Variants in LIPA observed in about 807,000 individuals in gnomAD.
LIPA encodes the protein lipase A, lysosomal acid type.
A neutral mutation model predicts 40.6 loss-of-function variants in LIPA; 26 were observed. The observed-to-expected ratio is 0.64, with a 90% confidence interval of 0.47 to 0.89. LIPA has a LOEUF of 0.89. LIPA is among the 40% of genes least tolerant of loss of function. The pLI, the probability that LIPA is intolerant of heterozygous loss-of-function variation, is 0.00. For missense variants in LIPA, 455 were observed against 479.6 expected, an observed-to-expected ratio of 0.95 and a Z score of 0.48; for synonymous variants, 188 against 168.4, an observed-to-expected ratio of 1.12 and a Z score of -0.90.
intron 1 of LIPA, among the ~76,000 whole-genome samples, chr10:89,251,276 G>A (rs1197151415): frequency 6.6e-6 from 1 of 152,218 alleles, no homozygotes; most frequent in Non-Finnish European, 1.5e-5. Context: ...TTAAAAAGCA[G>A]TATCGCTGGG....
chr10:89,267,662 T>A (rs933152281), intron 1 of LIPA, among the ~76,000 whole-genome samples: 19 of 145,954 alleles, frequency 1.3e-4, no homozygotes, highest in African/African-American at 4.9e-4. Flanking sequence ...CGCACCAGCA[T>A]GGCACATGTA....
At chr10:89,276,231 A>G (rs186824540) in intron 1 of LIPA, among the ~76,000 whole-genome samples, 2 of 152,214 alleles carry the variant, frequency 1.3e-5, no homozygotes, top group East Asian at 3.9e-4. Flanking sequence ...CTAGGCCCTC[A>G]CTCACTTCAC....
intron 3 of LIPA, among the ~76,000 whole-genome samples, chr10:89,238,895 A>C (rs1564761218): frequency 6.6e-6 from 1 of 152,206 alleles, no homozygotes; most frequent in Non-Finnish European, 1.5e-5. Context: ...TGCAGTTTTC[A>C]ATAACTCTGG....
intron 2 of LIPA, chr10:89,403,868 A>G (rs1589641667): frequency 1.0e-5 from 6 of 574,612 alleles, no homozygotes; most frequent in African/African-American, 1.9e-5. Context: ...GTGTTCAACA[A>G]TTAGTGAAAC....
At chr10:89,247,398 AAAAAAAAAAAAAAT>A in intron 2 of LIPA, 126 bp downstream of exon 2, 1 of 621,154 alleles carries the variant, frequency 1.6e-6, no homozygotes, top group Non-Finnish European at 2.8e-6. Flanking sequence ...AAAAAAAAAA[AAAAAAAAAAAAAAT>A]TCAGAGAAAT....
chr10:89,382,451 T>C (rs1844170291), intron 2 of LIPA, among the ~76,000 whole-genome samples: 1 of 152,324 alleles, frequency 6.6e-6, no homozygotes, highest in South Asian at 2.1e-4. Context: ...GCGTGAACTA[T>C]TGGGGAAAAA....
chr10:89,259,173 A>T (rs1398465579), intron 1 of LIPA, among the ~76,000 whole-genome samples: 1 of 152,236 alleles, frequency 6.6e-6, no homozygotes, highest in African/African-American at 2.4e-5. Context: ...TGGTGAATTG[A>T]ATGGTATGCA....
intron 1 of LIPA, among the ~76,000 whole-genome samples, chr10:89,330,809 A>T (rs1305597725): frequency 6.6e-6 from 1 of 152,204 alleles, no homozygotes; most frequent in Non-Finnish European, 1.5e-5. Context: ...AAAGGGGAAA[A>T]CTGCTTTTTA....
At chr10:89,388,638 C>T (rs540794923) in intron 2 of LIPA, among the ~76,000 whole-genome samples, 24 of 152,078 alleles carry the variant, frequency 1.6e-4, no homozygotes, top group South Asian at 8.3e-4. Context: ...ATTTTATCTT[C>T]AAAATATATA....
intron 8 of LIPA, among the ~76,000 whole-genome samples, chr10:89,216,657 T>C (rs1842631301): frequency 6.6e-6 from 1 of 152,138 alleles, no homozygotes; most frequent in Non-Finnish European, 1.5e-5. Context: ...ATAAGTAATC[T>C]AGAGATGATT....
intron 2 of LIPA, among the ~76,000 whole-genome samples, chr10:89,348,693 G>T (rs7906827): frequency 0.069 from 10,534 of 152,220 alleles, 915 homozygotes; most frequent in African/African-American, 0.2. Context: ...GGCTGTTGTT[G>T]TAAGCTATTA....
At chr10:89,299,541 C>T (rs1481837200) in intron 1 of LIPA, among the ~76,000 whole-genome samples, 2 of 152,140 alleles carry the variant, frequency 1.3e-5, no homozygotes, top group Admixed American at 1.3e-4. Flanking sequence ...CGTTCTTCTC[C>T]ATGGCGCATT....
At chr10:89,253,505 C>T (rs544494026), upstream of LIPA, among the ~76,000 whole-genome samples, 3 of 152,320 alleles carry the variant, frequency 2.0e-5, no homozygotes, top group East Asian at 5.8e-4. Context: ...GGGTCCCTCC[C>T]ACAACATGTG....
intron 1 of LIPA, chr10:89,307,220 C>T (rs773031617): frequency 2.8e-5 from 45 of 1,613,824 alleles, no homozygotes; most frequent in Non-Finnish European, 3.6e-5. Context: ...TGCCAAAATG[C>T]GACTTTCTAA....
chr10:89,388,987 G>A (rs902774131), intron 2 of LIPA, among the ~76,000 whole-genome samples: 1 of 152,116 alleles, frequency 6.6e-6, no homozygotes, highest in African/African-American at 2.4e-5. Context: ...TCTCTCCATG[G>A]ATGCGACTGG....
At chr10:89,286,770 A>T (rs1843343408) in intron 1 of LIPA, among the ~76,000 whole-genome samples, 1 of 152,216 alleles carries the variant, frequency 6.6e-6, no homozygotes, top group Non-Finnish European at 1.5e-5. Context: ...ACCCCACAAT[A>T]GGATTTAATT....
chr10:89,402,789 C>T lies in LIPA; in HGVS notation c.61+10002G>A, dbSNP rs11553017. Reference sequence around the variant, plus strand: ...CTTTGAAAAGGTGCTTGAAGTGGACCCTGAAAACCCTGAATCCAGCGCTGG... The same window carrying T: ...CTTTGAAAAGGTGCTTGAAGTGGACTCTGAAAACCCTGAATCCAGCGCTGG... On this transcript the variant is annotated intron_variant, in intron 2 of 8. Coordinates refer to the LIPA transcript ENST00000371837. 40 of 1,614,124 alleles carry T rather than the reference C, an allele frequency of 2.5e-5. 2 individuals carry two copies. The South Asian group carries it at 4.4e-4, about 18-fold the overall frequency.
At chr10:89,377,725 A>G (rs1844132435) in intron 2 of LIPA, among the ~76,000 whole-genome samples, 1 of 152,228 alleles carries the variant, frequency 6.6e-6, no homozygotes, top group South Asian at 2.1e-4. Flanking sequence ...GATAGTAACA[A>G]GTTTGACAAC....
At chr10:89,260,574 T>C (rs577407391) in intron 1 of LIPA, among the ~76,000 whole-genome samples, 1 of 152,238 alleles carries the variant, frequency 6.6e-6, no homozygotes, top group Non-Finnish European at 1.5e-5. Context: ...TCTGGGCCTA[T>C]GCACGCTTGG....
Sources: allele counts gnomAD v4.1 joint callset (sites outside exome capture counted in the v4.1 genomes callset), GRCh38; gene constraint gnomAD v4.1.1; transcripts MANE v1.5; gene names NCBI Gene and HGNC (gene_info 2026-07-23, HGNC 2026-07-21).